ZC3H18: variants seen among roughly 807,000 people sequenced by gnomAD.
ZC3H18 encodes zinc finger CCCH domain-containing protein 18.
In ZC3H18, 8 loss-of-function variants were observed where a neutral mutation model predicts 106.1. The observed-to-expected ratio is 0.08, with a 90% CI of 0.04 to 0.14. ZC3H18 has a LOEUF of 0.14. Among genes scored for constraint, ZC3H18 ranks in the 10% least tolerant of loss-of-function variants. The pLI is 1.00. For synonymous variants in ZC3H18, 635 were observed against 522.1 expected (o/e 1.22, Z -2.95); for missense variants, 1,318 against 1,278.4 (o/e 1.03, Z -0.47).
chr16:88,570,618 G>A (rs1429461109), intron 1 of ZC3H18, 52 bp downstream of exon 1: 1 of 150,960 alleles, frequency 6.6e-6, no homozygotes, highest in Non-Finnish European at 1.5e-5. Context: ...GCGGCGGGAG[G>A]AGGAGGCCGC....
chr16:88,587,612 A>T, intron 3 of ZC3H18: 1 of 1,535,528 alleles, frequency 6.5e-7, no homozygotes. Flanking sequence ...GCCAGGTTAA[A>T]GGTACAAAAT....
Position 88,622,482 on chromosome 16 carries a change from G to A in ZC3H18, c.1667+94G>A. ...ACTGGGTCAGGTGGGGAACACCCCA[G>A]CCCCACTGTTTGCTGTGGCGTCGTT... On this transcript the variant is annotated intron_variant, in intron 9 of 17. Transcript: ENST00000301011. 10 of 1,375,620 alleles carry A rather than the reference G, an allele frequency of 7.3e-6. No homozygotes were observed. In the South Asian group the frequency reaches 1.2e-4, roughly 16 times the overall value. 85.2% of individuals were successfully genotyped at this position (1,375,620 alleles called of 1,614,324 possible).
intron 2 of ZC3H18, among the ~76,000 whole-genome samples, chr16:88,583,073 G>A (rs1483420374): frequency 6.6e-6 from 1 of 152,254 alleles, no homozygotes; most frequent in Non-Finnish European, 1.5e-5. Context: ...GAGTGGCCGT[G>A]CCAGGTTGGG....
At chr16:88,598,830 C>T in intron 5 of ZC3H18, 118 bp downstream of exon 5, 2 of 874,832 alleles carry the variant, frequency 2.3e-6, no homozygotes. Flanking sequence ...AGTTAGGCGT[C>T]TGTTTCTGTG....
At chr16:88,624,509 C>A in intron 11 of ZC3H18, 93 bp from the exon 12 acceptor site, 1 of 1,584,330 alleles carries the variant, frequency 6.3e-7, no homozygotes, top group South Asian at 1.1e-5. Flanking sequence ...CATGCAGTGT[C>A]GTTCCCCGAG....
At chr16:88,598,050 T>G in intron 3 of ZC3H18, 128 bp from the exon 4 acceptor site, 62 of 621,996 alleles carry the variant, frequency 1.0e-4, no homozygotes, top group Non-Finnish European at 1.4e-4. Flanking sequence ...CAGTTCCCAC[T>G]ACTGTGTGGC....
chr16:88,595,119 C>G (rs1904360526), intron 3 of ZC3H18, among the ~76,000 whole-genome samples: 1 of 152,126 alleles, frequency 6.6e-6, no homozygotes, highest in South Asian at 2.1e-4. Flanking sequence ...CCATTGCACT[C>G]CAGCCTGGGC....
intron 3 of ZC3H18, among the ~76,000 whole-genome samples, chr16:88,596,012 C>G (rs1904419200): frequency 6.6e-6 from 1 of 152,146 alleles, no homozygotes; most frequent in African/African-American, 2.4e-5. Context: ...ACGTGCAGAC[C>G]AACTGTGCTG....
chr16:88,581,442 C>T (rs1466636746), intron 2 of ZC3H18, among the ~76,000 whole-genome samples: 1 of 152,202 alleles, frequency 6.6e-6, no homozygotes, highest in African/African-American at 2.4e-5. Flanking sequence ...ATTGTTTAAA[C>T]CACATAGCTT....
chr16:88,587,825 G>T (rs114938606), intron 3 of ZC3H18, among the ~76,000 whole-genome samples: 4 of 152,156 alleles, frequency 2.6e-5, no homozygotes, highest in Non-Finnish European at 4.4e-5. Flanking sequence ...GGGGTGTGGC[G>T]GAGTCCCATC....
chr16:88,621,229 A>ATTT (rs35374963), intron 8 of ZC3H18, among the ~76,000 whole-genome samples: 1 of 124,640 alleles, frequency 8.0e-6, no homozygotes, highest in African/African-American at 3.0e-5. Context: ...TTTTGTTTTT[A>ATTT]TTTTTTTTTT....
At chr16:88,591,957 A>C (rs56005824) in intron 3 of ZC3H18, among the ~76,000 whole-genome samples, 2 of 107,760 alleles carry the variant, frequency 1.9e-5, no homozygotes, top group East Asian at 5.4e-4. Flanking sequence ...TGGTGGTTGT[A>C]TGTTTCATCT....
intron 3 of ZC3H18, 27 bp from the exon 4 acceptor site, chr16:88,598,151 T>C: frequency 2.1e-6 from 3 of 1,458,880 alleles, no homozygotes; most frequent in Non-Finnish European, 2.8e-6. Flanking sequence ...TTGTGGACCC[T>C]TTCTGATCTC....
intron 8 of ZC3H18, among the ~76,000 whole-genome samples, chr16:88,613,437 C>T (rs1905384804): frequency 6.6e-6 from 1 of 152,208 alleles, no homozygotes; most frequent in Non-Finnish European, 1.5e-5. Flanking sequence ...TTGTGCAGAG[C>T]AGCTGCACCT....
At position 88,599,858 on chromosome 16, in the gene ZC3H18, C is replaced by T; in HGVS notation, c.998C>T (p.Thr333Ile). The change falls in exon 6 of 18, where the codon ACC becomes ATC. Residue 333 changes from threonine to isoleucine, a missense_variant. Physicochemically the swap from Thr to Ile is moderately conservative, Grantham distance 89. This residue lies in a region of ZC3H18 where 848 missense variants were observed against 821.7 expected (regional missense o/e 1.03). Coordinates refer to ENST00000301011, the MANE Select transcript of ZC3H18 (RefSeq NM_144604.4). ...TTTGAAGAGAAAAGGTTTACGGTGA[C>T]CATTGGCGAAGACGAACGGGAATTT... is the stretch of plus-strand genomic sequence containing the variant. ...PDFEEKRFTV[T>I]IGEDEREFDK... 6.2e-7 allele frequency: 1 copy of T among 1,614,156 alleles called. No homozygotes were observed. Among genetic ancestry groups the T allele is most frequent in the Non-Finnish European group, 8.5e-7 (1 of 1,180,040 alleles).
At chr16:88,578,396 G>A (rs1217209621) in intron 2 of ZC3H18, among the ~76,000 whole-genome samples, 1 of 152,198 alleles carries the variant, frequency 6.6e-6, no homozygotes, top group Non-Finnish European at 1.5e-5. Context: ...GGTTTTCTTA[G>A]CAGTTGATGC....
In ZC3H18 at chr16:88,616,401, T is replaced by G. The variant is rs951730327; in HGVS notation, c.1475+4865T>G. Reference sequence around the variant, plus strand: ...TCCTGGGGCTGCCCTCAGCCCCTTCTCGGAGCTGCCAGCAGCAGGGCTGAC... The same window carrying G: ...TCCTGGGGCTGCCCTCAGCCCCTTCGCGGAGCTGCCAGCAGCAGGGCTGAC... On this transcript the variant is annotated intron_variant, in intron 8 of 17. Coordinates refer to ENST00000301011, the MANE Select transcript of ZC3H18 (RefSeq NM_144604.4). 1.4e-3 allele frequency among the ~76,000 whole-genome samples: 212 copies of G among 152,352 alleles called. 1 individual carries two copies. The highest frequency in any genetic ancestry group is 4.6e-4 in the Non-Finnish European group (31 of 68,036).
rs74033320 is a variant in ZC3H18, at chr16:88,613,574, T to C, written c.1475+2038T>C. ...GACGTCTCCCTGCCGTTGCGATTTG[T>C]ATTTCTCTGATGATGGATGATAATG... On this transcript the variant is annotated intron_variant, in intron 8 of 17. Coordinates refer to ENST00000301011, the MANE Select transcript of ZC3H18 (RefSeq NM_144604.4). 4.5e-3 allele frequency among the ~76,000 whole-genome samples: 684 copies of C among 152,330 alleles called. 7 individuals carry two copies. Among genetic ancestry groups the C allele is most frequent in the African/African-American group, 0.016 (656 of 41,576 alleles).
intron 8 of ZC3H18, among the ~76,000 whole-genome samples, chr16:88,620,447 G>A (rs1905885915): frequency 6.6e-6 from 1 of 152,080 alleles, no homozygotes; most frequent in African/African-American, 2.4e-5. Flanking sequence ...TGGGTGTGGT[G>A]GTGCACACCT....
Sources: gnomAD v4.1 joint callset for allele counts (sites outside exome capture counted in the v4.1 genomes callset) on GRCh38, gnomAD v4.1.1 for gene constraint, gnomAD v4.1.1 regional missense constraint, MANE v1.5 for transcripts, NCBI Gene and HGNC (gene_info 2026-07-23, HGNC 2026-07-21) for gene names.